The following FXYD3 variants were observed in gnomAD, a reference collection of about 807,000 sequenced individuals.
FXYD3 encodes the protein FXYD domain containing ion transport regulator 3, also known as FXYD domain-containing ion transport regulator 3.
In FXYD3, 13 loss-of-function variants were observed where a neutral mutation model predicts 19.2. That is an observed-to-expected ratio of 0.68 (90% CI 0.44 to 1.08). The LOEUF is 1.08. FXYD3 is among the 50% of genes least tolerant of loss of function. The pLI, the probability that FXYD3 is intolerant of heterozygous loss-of-function variation, is 0.00. For missense variants in FXYD3, 101 were observed against 109.4 expected (o/e 0.92, Z 0.34); for synonymous variants, 48 against 38.9 (o/e 1.23, Z -0.87).
intron 3 of FXYD3, 56 bp downstream of exon 3, chr19:35,119,472 C>A: frequency 1.4e-6 from 2 of 1,473,534 alleles, no homozygotes; most frequent in Non-Finnish European, 1.9e-6. Context: ...TGCGGGGATC[C>A]AACCTCTGTC....
intron 5 of FXYD3, 124 bp downstream of exon 5, chr19:35,121,369 G>T (rs952087902): frequency 1.9e-6 from 3 of 1,609,834 alleles, no homozygotes; most frequent in Non-Finnish European, 2.5e-6. Flanking sequence ...GGACTAGGAT[G>T]GGGTTACTGA....
chr19:35,123,180 G>T, intron 7 of FXYD3, 91 bp from the exon 8 acceptor site: 1 of 1,513,358 alleles, frequency 6.6e-7, no homozygotes, highest in Non-Finnish European at 8.8e-7. Flanking sequence ...AGGCAGCCAG[G>T]AAGACATGTC....
chr19:35,119,042 C>T, intron 2 of FXYD3: 2 of 720,676 alleles, frequency 2.8e-6, no homozygotes, highest in Non-Finnish European at 4.9e-6. Flanking sequence ...CCTCTCAGAG[C>T]CTCAGTCTCC....
At chr19:35,116,941 G>A (rs999297639) in intron 2 of FXYD3, 1 of 985,146 alleles carries the variant, frequency 1.0e-6, no homozygotes, top group African/African-American at 1.7e-5. Context: ...CACACAGCGG[G>A]CAGGATCTTT....
chr19:35,120,973 G>T (rs1053918838), intron 3 of FXYD3, 105 bp from the exon 4 acceptor site: 13 of 1,229,486 alleles, frequency 1.1e-5, no homozygotes, highest in African/African-American at 3.0e-5. Flanking sequence ...CCCCTGTCCC[G>T]CAGGAGACCC....
chr19:35,119,815 C>CCGAGATCT, intron 3 of FXYD3: 10 of 200,482 alleles, frequency 5.0e-5, no homozygotes, highest in Non-Finnish European at 8.1e-5. Context: ...GAATGCCAGG[C>CCGAGATCT]ACACGCCACC....
intron 1 of FXYD3, 84 bp from the exon 2 acceptor site, chr19:35,116,180 G>T (rs934867583): frequency 2.0e-6 from 2 of 982,272 alleles, no homozygotes; most frequent in African/African-American, 3.5e-5. Flanking sequence ...GCCCATGGCT[G>T]GGGAGGGGGT....
chr19:35,118,910 C>A (rs1446842390), intron 2 of FXYD3, among the ~76,000 whole-genome samples: 2 of 152,240 alleles, frequency 1.3e-5, no homozygotes, highest in East Asian at 3.8e-4. Flanking sequence ...CTCCTGCCGC[C>A]TGGCTCCCAA....
chr19:35,121,464 G>A, intron 5 of FXYD3: 1 of 1,467,492 alleles, frequency 6.8e-7, no homozygotes, highest in East Asian at 2.5e-5. Context: ...GACACACGCA[G>A]GAGGTGAGGA....
At chr19:35,121,304 G>C in intron 5 of FXYD3, 59 bp downstream of exon 5, 2 of 1,614,124 alleles carry the variant, frequency 1.2e-6, no homozygotes, top group Non-Finnish European at 1.7e-6. Context: ...TGGTGCCAAG[G>C]GTTCCCATAC....
chr19:35,119,707 GT>G lies in FXYD3; in HGVS notation c.40+293del, dbSNP rs1042517988. On this transcript the variant is annotated intron_variant, in intron 3 of 8. Coordinates refer to ENST00000604404, the MANE Select transcript of FXYD3 (RefSeq NM_005971.4). ...TTTTTGTTTTTGAAAGGGAGTCTCT[GT>G]TGCTCAGGCTGGAGTGCAATGGCGC... The G allele has an allele frequency of 1.2e-5, 6 of 489,010 alleles. No homozygotes were observed. In the Admixed American group the frequency reaches 1.8e-4, roughly 15 times the overall value. The allele number at this position is 489,010 out of a possible 1,614,324, so 30.3% of individuals were successfully genotyped here.
chr19:35,123,736 ACACAGAGGCTGG>A lies in FXYD3; in HGVS notation c.*283_*294del, dbSNP rs2065102666. ...GAAGGTTGGCGTGCCCTGGAGGCTG[ACACAGAGGCTGG>A]CACTGAGCCTGCTTGTTGGGAAAAG... On this transcript the variant is annotated 3_prime_UTR_variant, in exon 9 of 9. Coordinates refer to ENST00000604404, the MANE Select transcript of FXYD3 (RefSeq NM_005971.4). The A allele has an allele frequency of 3.7e-6, 2 of 539,072 alleles. No homozygotes were observed. Among genetic ancestry groups the A allele is most frequent in the Non-Finnish European group, 6.7e-6 (2 of 300,258 alleles). The allele number at this position is 539,072 out of a possible 1,614,324, so 33.4% of individuals were successfully genotyped here.
intron 2 of FXYD3, chr19:35,116,908 A>T (rs1048025172): frequency 3.0e-6 from 3 of 984,418 alleles, no homozygotes; most frequent in Non-Finnish European, 3.6e-6. Context: ...TTAAATGGGG[A>T]GTTGCTTGGG....
At chr19:35,123,115 G>A (rs1019683111) in intron 7 of FXYD3, 156 bp from the exon 8 acceptor site, 299 of 1,462,586 alleles carry the variant, frequency 2.0e-4, no homozygotes, top group Non-Finnish European at 2.6e-4. Flanking sequence ...TCCCCAGGGG[G>A]CCCCAAATCC....
chr19:35,116,966 A>G, intron 2 of FXYD3: 1 of 985,306 alleles, frequency 1.0e-6, no homozygotes, highest in Non-Finnish European at 1.2e-6. Context: ...CCACCCCTGA[A>G]CATGAGACCA....
Position 35,122,937 on chromosome 19 carries a change from G to A in FXYD3, c.192G>A (p.Lys64=), listed in dbSNP as rs368052863. The change falls in exon 7 of 9, where the codon AAG becomes AAA. Residue 64 remains lysine (K), a synonymous_variant. Transcript: ENST00000604404. The part of the protein sequence containing the change: ...IIVMSAKCKC[K]FGQKSGHHPG... Reference sequence around the variant, plus strand: ...CAACAGGTGCAAAATGCAAATGCAAGTTTGGCCAGAAGTCCGGGTAAGATA... The same window carrying A: ...CAACAGGTGCAAAATGCAAATGCAAATTTGGCCAGAAGTCCGGGTAAGATA... 13 of 1,604,352 alleles carry A rather than the reference G, an allele frequency of 8.1e-6. No homozygotes were observed. In the African/African-American group the frequency reaches 1.1e-4, roughly 13 times the overall value.
intron 4 of FXYD3, 37 bp downstream of exon 4, chr19:35,121,147 A>T: frequency 6.2e-7 from 1 of 1,613,948 alleles, no homozygotes; most frequent in South Asian, 1.1e-5. Flanking sequence ...CACACCCCCA[A>T]ATTCTCCCCT....
At chr19:35,123,170 A>G in intron 7 of FXYD3, 101 bp from the exon 8 acceptor site, 1 of 1,507,598 alleles carries the variant, frequency 6.6e-7, no homozygotes, top group Non-Finnish European at 8.8e-7. Flanking sequence ...CCAAATGGAA[A>G]GGCAGCCAGG....
intron 7 of FXYD3, 81 bp downstream of exon 7, chr19:35,123,035 A>C: frequency 6.7e-7 from 1 of 1,495,256 alleles, no homozygotes; most frequent in South Asian, 1.4e-5. Context: ...CCAGCAGGAG[A>C]GGCCTCGGGG....
Sources: gnomAD v4.1 joint callset for allele counts (sites outside exome capture counted in the v4.1 genomes callset) on GRCh38, gnomAD v4.1.1 for gene constraint, MANE v1.5 for transcripts, NCBI Gene and HGNC (gene_info 2026-07-23, HGNC 2026-07-21) for gene names.